The following GSE1 variants were observed in gnomAD, a reference collection of about 807,000 sequenced individuals.
The protein encoded by GSE1 is Gse1 coiled-coil protein, also known as genetic suppressor element 1.
Under a neutral mutation model 112.6 loss-of-function variants are expected in GSE1, and 32 were observed. The ratio of observed to expected loss-of-function variants is 0.28; its 90% confidence interval spans 0.21 to 0.38. GSE1 has a LOEUF of 0.38. GSE1 is among the 10% of genes least tolerant of loss of function. The probability of loss-of-function intolerance (pLI) is 1.00; values close to 1 mark genes in which losing one functional copy is unlikely to be tolerated. For missense variants in GSE1, 2,348 were observed against 1,699.2 expected (o/e 1.38, Z -6.71); for synonymous variants, 1,115 against 735.6 (o/e 1.52, Z -8.35).
In GSE1 at chr16:85,674,944, A is replaced by G. The variant is rs2053601209; in HGVS notation, c.*2405A>G. ...CAAGAAGTAATACGACAATCAGAAT[A>G]CAAACCAGTAAGGCAACACGAATAA... On this transcript the variant is annotated 3_prime_UTR_variant, in exon 16 of 16. Transcript: ENST00000253458. The G allele has an allele frequency of 6.5e-6, 1 of 152,822 alleles. No homozygotes were observed. Among genetic ancestry groups the G allele is most frequent in the East Asian group, 1.9e-4 (1 of 5,190 alleles). 9.5% of individuals were successfully genotyped at this position (152,822 alleles called of 1,614,324 possible).
At chr16:85,270,841 C>G (rs376290969) in intron 1 of GSE1, among the ~76,000 whole-genome samples, 1 of 152,158 alleles carries the variant, frequency 6.6e-6, no homozygotes, top group African/African-American at 2.4e-5. Flanking sequence ...CTGGCTCCTC[C>G]GGCAGCCCAT....
chr16:85,366,438 A>T (rs1376774843), intron 2 of GSE1, among the ~76,000 whole-genome samples: 2 of 152,256 alleles, frequency 1.3e-5, no homozygotes, highest in Admixed American at 6.5e-5. Context: ...CTCCACGACC[A>T]ATCTATTTAT....
At chr16:85,629,597 G>A (rs1447887647) in intron 1 of GSE1, among the ~76,000 whole-genome samples, 3 of 152,214 alleles carry the variant, frequency 2.0e-5, no homozygotes, top group African/African-American at 7.2e-5. Flanking sequence ...CTGGACCTGG[G>A]CTCCAAGCCT....
At chr16:85,616,468 A>C (rs528324706) in intron 1 of GSE1, among the ~76,000 whole-genome samples, 1 of 152,300 alleles carries the variant, frequency 6.6e-6, no homozygotes, top group East Asian at 1.9e-4. Flanking sequence ...CTCGAAGTCC[A>C]AGGATCAAAC....
At position 85,471,154 on chromosome 16, in the gene GSE1, C is replaced by G. The variant is rs867548449; in HGVS notation, c.2464+113511C>G. 2.6e-5 allele frequency among the ~76,000 whole-genome samples: 4 copies of G among 152,142 alleles called. No homozygotes were observed. In the South Asian group the frequency reaches 8.3e-4, roughly 31 times the overall value. ...CCATTCGCCCTGGGTGCTCTCAGCC[C>G]GACCCCTGCCCAGAGACGCCCAGTC... On this transcript the variant is annotated intron_variant, in intron 2 of 2. Coordinates refer to the GSE1 transcript ENST00000637419.
chr16:85,515,011 A>T (rs372795359), intron 2 of GSE1, among the ~76,000 whole-genome samples: 1 of 152,176 alleles, frequency 6.6e-6, no homozygotes, highest in East Asian at 1.9e-4. Flanking sequence ...ACCCATGGGC[A>T]CATGTGAATA....
At position 85,457,203 on chromosome 16, in the gene GSE1, G is replaced by A. The variant is rs545358358; in HGVS notation, c.2464+99560G>A. 2.7e-4 allele frequency among the ~76,000 whole-genome samples: 41 copies of A among 152,328 alleles called. 2 individuals are homozygous for A. The South Asian group carries it at 7.5e-3, about 28-fold the overall frequency. Reference sequence around the variant, plus strand: ...ATTGCACATAGCCAGATAAGGATGAGGAGAGTGGAAGGGCAGAGGCCCCGT... The same window carrying A: ...ATTGCACATAGCCAGATAAGGATGAAGAGAGTGGAAGGGCAGAGGCCCCGT... On this transcript the variant is annotated intron_variant, in intron 2 of 2. Transcript: ENST00000637419.
At chr16:85,546,346 A>G (rs1813182959) in intron 2 of GSE1, among the ~76,000 whole-genome samples, 1 of 152,322 alleles carries the variant, frequency 6.6e-6, no homozygotes. Flanking sequence ...CAGCCTCTCA[A>G]AGTGCTGGGG....
intron 1 of GSE1, among the ~76,000 whole-genome samples, chr16:85,622,819 C>A (rs1290960562): frequency 1.3e-5 from 2 of 152,196 alleles, no homozygotes; most frequent in Non-Finnish European, 2.9e-5. Context: ...GTTACACCCT[C>A]ATGGAGTTAC....
chr16:85,307,797 G>T (rs549687791), intron 1 of GSE1, among the ~76,000 whole-genome samples: 3 of 152,330 alleles, frequency 2.0e-5, no homozygotes, highest in South Asian at 2.1e-4. Flanking sequence ...GCTGTTCAGG[G>T]TGGCTAAGCC....
At chr16:85,644,818 A>G (rs907312290) in intron 2 of GSE1, among the ~76,000 whole-genome samples, 2 of 151,752 alleles carry the variant, frequency 1.3e-5, no homozygotes, top group Non-Finnish European at 2.9e-5. Context: ...CGGTGAAGCT[A>G]TAACAACTGA....
At chr16:85,332,486 A>G (rs1403569562) in intron 1 of GSE1, among the ~76,000 whole-genome samples, 7 of 152,134 alleles carry the variant, frequency 4.6e-5, no homozygotes, top group Admixed American at 2.0e-4. Context: ...GACTTCCCCA[A>G]GGTCACACAG....
intron 2 of GSE1, among the ~76,000 whole-genome samples, chr16:85,374,014 G>A (rs2047358993): frequency 1.3e-5 from 2 of 152,204 alleles, no homozygotes; most frequent in South Asian, 2.1e-4. Flanking sequence ...CATGTGTCAG[G>A]TTCACATGAA....
intron 1 of GSE1, among the ~76,000 whole-genome samples, chr16:85,331,635 A>G (rs1293092972): frequency 7.9e-6 from 1 of 126,282 alleles, no homozygotes; most frequent in Non-Finnish European, 1.6e-5. Context: ...ATATGTGTAT[A>G]TATGTGTGTA....
At chr16:85,449,889 T>A (rs1211176127) in intron 2 of GSE1, among the ~76,000 whole-genome samples, 1 of 152,194 alleles carries the variant, frequency 6.6e-6, no homozygotes, top group Non-Finnish European at 1.5e-5. Context: ...ACACAGAAAG[T>A]TGTGCTGTGC....
chr16:85,297,587 C>G (rs980865644), intron 1 of GSE1, among the ~76,000 whole-genome samples: 1 of 152,144 alleles, frequency 6.6e-6, no homozygotes, highest in African/African-American at 2.4e-5. Flanking sequence ...GCAGCCTCCA[C>G]CTCTCAGGCT....
chr16:85,598,841 A>T (rs2047346015), intron 1 of GSE1, among the ~76,000 whole-genome samples: 1 of 152,214 alleles, frequency 6.6e-6, no homozygotes, highest in Admixed American at 6.5e-5. Flanking sequence ...CTGGATGAGG[A>T]CATGGCCCCT....
At chr16:85,328,078 C>G (rs948763913) in intron 1 of GSE1, among the ~76,000 whole-genome samples, 2 of 152,362 alleles carry the variant, frequency 1.3e-5, no homozygotes, top group Admixed American at 1.3e-4. Flanking sequence ...CTTATGTTGG[C>G]CACACAGCAT....
chr16:85,387,199 G>A (rs992311402), intron 2 of GSE1, among the ~76,000 whole-genome samples: 8 of 152,180 alleles, frequency 5.3e-5, no homozygotes, highest in Non-Finnish European at 1.0e-4. Context: ...GGCCTAAGGA[G>A]GGTGGTGGGA....
Sources: gnomAD v4.1 joint callset for allele counts (sites outside exome capture counted in the v4.1 genomes callset) on GRCh38, gnomAD v4.1.1 for gene constraint, MANE v1.5 for transcripts, NCBI Gene and HGNC (gene_info 2026-07-23, HGNC 2026-07-21) for gene names.